GKAP1: variants seen among roughly 807,000 people sequenced by gnomAD.
GKAP1 encodes the protein G kinase anchoring protein 1.
GKAP1 carries 31 observed loss-of-function variants against 56.7 expected under a neutral mutation model. The observed-to-expected ratio is 0.55, with a 90% CI of 0.41 to 0.74. The LOEUF (loss-of-function observed/expected upper bound fraction) is 0.74. Ranked by LOEUF, GKAP1 falls within the 30% of genes least tolerant of loss-of-function variation. The pLI is 0.00. For missense variants in GKAP1, 364 were observed against 402.3 expected, an observed-to-expected ratio of 0.90 and a Z score of 0.82; for synonymous variants, 151 against 138.6, an observed-to-expected ratio of 1.09 and a Z score of -0.63.
chr9:83,807,987 A>G (rs1424445342), intron 2 of GKAP1, among the ~76,000 whole-genome samples: 3 of 152,242 alleles, frequency 2.0e-5, no homozygotes, highest in Non-Finnish European at 4.4e-5. Context: ...TTTGGTATAC[A>G]ATGAAGAAAA....
rs916392601 is a variant in GKAP1 at position 83,753,305 on chromosome 9, T to C, written c.793A>G (p.Lys265Glu). ...TTCAGCTTCTGGATTTCAGCATCTTTCCTTTCAAGCTCTAACTTTAGTCTT... is the reference window on the plus strand; with the variant it reads ...TTCAGCTTCTGGATTTCAGCATCTTCCCTTTCAAGCTCTAACTTTAGTCTT... ...IERLKLELERKDAEIQKLKNV... is the reference protein window; with the variant it reads ...IERLKLELEREDAEIQKLKNV... The change falls in exon 9 of 13, where the codon AAA becomes GAA. Residue 265 changes from lysine (K) to glutamate (E), a missense_variant. Transcript: ENST00000376371. 2 of 1,611,908 alleles carry C rather than the reference T, an allele frequency of 1.2e-6. No homozygotes were observed. Among genetic ancestry groups the C allele is most frequent in the African/African-American group, 2.7e-5 (2 of 74,888 alleles).
At chr9:83,782,769 A>G (rs906346167) in intron 6 of GKAP1, among the ~76,000 whole-genome samples, 2 of 147,206 alleles carry the variant, frequency 1.4e-5, no homozygotes, top group African/African-American at 5.1e-5. Context: ...CCGGTTCAAT[A>G]GATTCTCCTG....
intron 12 of GKAP1, among the ~76,000 whole-genome samples, chr9:83,740,935 T>C (rs1020210806): frequency 1.3e-5 from 2 of 152,174 alleles, no homozygotes; most frequent in African/African-American, 2.4e-5. Flanking sequence ...CTCCTGACCA[T>C]ATAAAAATTT....
rs138192894 is a variant in GKAP1, at chr9:83,753,965, G to A, written c.739-606C>T. 1.7e-3 allele frequency among the ~76,000 whole-genome samples: 261 copies of A among 152,312 alleles called. 1 individual carries two copies. Among genetic ancestry groups the A allele is most frequent in the African/African-American group, 5.8e-3 (243 of 41,580 alleles). ...ATTTCAATAGAAATCCCAATAGGATGTTGTTCTTTGGAACTTAAAAAGATA... is the reference window on the plus strand; with the variant it reads ...ATTTCAATAGAAATCCCAATAGGATATTGTTCTTTGGAACTTAAAAAGATA... On this transcript the variant is annotated intron_variant, in intron 8 of 12. Coordinates refer to ENST00000376371, the MANE Select transcript of GKAP1 (RefSeq NM_025211.4).
rs757928443 is a variant in GKAP1, at chr9:83,788,682, CAAAA to C, written c.361-8_361-5del. 6 of 1,575,598 alleles carry C rather than the reference CAAAA, an allele frequency of 3.8e-6. No individual in the cohort carries two copies. In the Admixed American group the frequency reaches 8.8e-5, roughly 23 times the overall value. Reference sequence around the variant, plus strand: ...CTTCAAACATTTCAGATGTCAGCTACAAAAAAAAAGTTTCACAATAAACAGACAG... The same window carrying C: ...CTTCAAACATTTCAGATGTCAGCTACAAAAAGTTTCACAATAAACAGACAG... On this transcript the variant is annotated splice_region_variant and splice_polypyrimidine_tract_variant and intron_variant, in intron 4 of 12. Transcript: ENST00000376371.
intron 2 of GKAP1, among the ~76,000 whole-genome samples, chr9:83,809,390 G>A (rs1474773613): frequency 1.3e-5 from 2 of 152,222 alleles, no homozygotes; most frequent in Non-Finnish European, 2.9e-5. Context: ...TCCTGCACAT[G>A]CTGCTCTGGA....
chr9:83,804,705 C>T (rs981797039), intron 3 of GKAP1, among the ~76,000 whole-genome samples: 2 of 149,592 alleles, frequency 1.3e-5, no homozygotes, highest in African/African-American at 4.9e-5. Flanking sequence ...GCCAGCCGCC[C>T]CGTACGGGAG....
At chr9:83,810,999 T>C (rs1246580190) in intron 2 of GKAP1, among the ~76,000 whole-genome samples, 1 of 152,236 alleles carries the variant, frequency 6.6e-6, no homozygotes, top group Non-Finnish European at 1.5e-5. Flanking sequence ...ATGGTAAGTA[T>C]TTGTATATCT....
At chr9:83,755,088 G>A (rs1317618499) in intron 8 of GKAP1, among the ~76,000 whole-genome samples, 1 of 152,132 alleles carries the variant, frequency 6.6e-6, no homozygotes, top group Non-Finnish European at 1.5e-5. Context: ...AAGCAATGAG[G>A]TGAGTAGGTC....
At chr9:83,790,335 T>C (rs2131300782) in intron 4 of GKAP1, among the ~76,000 whole-genome samples, 1 of 152,324 alleles carries the variant, frequency 6.6e-6, no homozygotes, top group South Asian at 2.1e-4. Context: ...AATAAATTAA[T>C]CTTTTAGTCT....
chr9:83,810,907 C>T (rs1286223515), intron 2 of GKAP1, among the ~76,000 whole-genome samples: 2 of 152,196 alleles, frequency 1.3e-5, no homozygotes, highest in Non-Finnish European at 2.9e-5. Flanking sequence ...CTACTATCCA[C>T]CTAGGCTACA....
chr9:83,814,334 C>G (rs1288246886), intron 2 of GKAP1, among the ~76,000 whole-genome samples: 1 of 152,168 alleles, frequency 6.6e-6, no homozygotes, highest in Non-Finnish European at 1.5e-5. Flanking sequence ...TTTAACTATG[C>G]TGTTCTCTTT....
At chr9:83,768,046 TATA>T (rs1393702511) in intron 8 of GKAP1, among the ~76,000 whole-genome samples, 3 of 152,184 alleles carry the variant, frequency 2.0e-5, no homozygotes, top group African/African-American at 7.2e-5. Flanking sequence ...TTACAGTCCT[TATA>T]ATAACAGACC....
chr9:83,799,206 C>G lies in GKAP1; in HGVS notation c.339G>C (p.Glu113Asp), dbSNP rs376397993. 3 of 1,613,548 alleles carry G rather than the reference C, an allele frequency of 1.9e-6. No individual in the cohort carries two copies. The highest frequency in any genetic ancestry group is 1.7e-6 in the Non-Finnish European group (2 of 1,179,792). The change falls in exon 4 of 13, where the codon GAG becomes GAC. Residue 113 changes from glutamate to aspartate, a missense_variant. Physicochemically the swap from Glu to Asp is conservative, Grantham distance 45. Transcript: ENST00000376371. ...GTACCTGCTCATCTCTTTGTCTCCACTCTTGCCAATTTTCTTCTCGTGAAT... is the reference window on the plus strand; with the variant it reads ...GTACCTGCTCATCTCTTTGTCTCCAGTCTTGCCAATTTTCTTCTCGTGAAT... Reference protein sequence around the residue: ...QKDSREENWQEWRQRDEQLTS... With the variant: ...QKDSREENWQDWRQRDEQLTS...
intron 8 of GKAP1, among the ~76,000 whole-genome samples, chr9:83,757,726 G>A (rs1943500157): frequency 6.6e-6 from 1 of 152,106 alleles, no homozygotes; most frequent in Non-Finnish European, 1.5e-5. Context: ...CTGAAATAAT[G>A]CCAGTAAGAG....
rs568691538 is a variant in GKAP1 at position 83,804,512 on chromosome 9, C to T, written c.216+1790G>A. 4.4e-4 allele frequency among the ~76,000 whole-genome samples: 32 copies of T among 73,518 alleles called. No homozygotes were observed. The East Asian group carries it at 0.012, about 28-fold the overall frequency. The allele number at this position is 73,518 out of a possible 152,430, so 48.2% of individuals were successfully genotyped here. A position where few individuals can be genotyped will look rare whatever the true frequency, so the allele number is the denominator to read the frequency against. Reference sequence around the variant, plus strand: ...CCTCTGCTCGGCCAGCCGCCCCGTCCGGGAGGGAGGTGGGGGGGTCAGCCC... The same window carrying T: ...CCTCTGCTCGGCCAGCCGCCCCGTCTGGGAGGGAGGTGGGGGGGTCAGCCC... On this transcript the variant is annotated intron_variant, in intron 3 of 12. Coordinates refer to ENST00000376371, the MANE Select transcript of GKAP1 (RefSeq NM_025211.4).
chr9:83,784,720 G>T lies in GKAP1; in HGVS notation c.557C>A (p.Ser186Ter). 1 of 1,584,742 alleles carries T rather than the reference G, an allele frequency of 6.3e-7. No individual in the cohort carries two copies. Among genetic ancestry groups the T allele is most frequent in the Non-Finnish European group, 8.6e-7 (1 of 1,165,492 alleles). Residue 186 changes from serine (S) to a stop codon, truncating the protein, a stop_gained, in exon 6 of 13, where the codon TCG becomes TAG. Coordinates refer to ENST00000376371, the MANE Select transcript of GKAP1 (RefSeq NM_025211.4). LOFTEE classifies it high-confidence loss of function. The part of the protein sequence containing the change: ...PLTVSLKDFH[S>*]EDHISKKTEE... ...TAGCATTGTATATACATTACCTTCC[G>T]AATGAAAATCTTTTAGTGATACTGT...
chr9:83,757,061 AAAATGTGCAGTGTG>A (rs1199111634), intron 8 of GKAP1, among the ~76,000 whole-genome samples: 1 of 152,214 alleles, frequency 6.6e-6, no homozygotes, highest in African/African-American at 2.4e-5. Context: ...AATGACAGGG[AAAATGTGCAGTGTG>A]AAATGTGCAG....
At chr9:83,751,184 A>G (rs1943382952) in intron 9 of GKAP1, among the ~76,000 whole-genome samples, 1 of 152,128 alleles carries the variant, frequency 6.6e-6, no homozygotes. Context: ...AACCCAACTC[A>G]TATCTGCAAT....
Sources: allele counts gnomAD v4.1 joint callset (sites outside exome capture counted in the v4.1 genomes callset), GRCh38; gene constraint gnomAD v4.1.1; transcripts MANE v1.5; gene names NCBI Gene and HGNC (gene_info 2026-07-23, HGNC 2026-07-21).